PDE1C: variants seen among roughly 807,000 people sequenced by gnomAD.
PDE1C encodes phosphodiesterase 1C.
In PDE1C, 62 loss-of-function variants were observed where a neutral mutation model predicts 93.1. The ratio of observed to expected loss-of-function variants is 0.67; its 90% confidence interval spans 0.54 to 0.82. The LOEUF is 0.82. Among genes scored for constraint, PDE1C ranks in the 40% least tolerant of loss-of-function variants. The pLI, the probability that PDE1C is intolerant of heterozygous loss-of-function variation, is 0.00. For synonymous variants in PDE1C, 325 were observed against 310.1 expected (o/e 1.05, Z -0.50); for missense variants, 742 against 884.6 (o/e 0.84, Z 2.04).
intron 2 of PDE1C, among the ~76,000 whole-genome samples, chr7:32,025,457 T>C (rs759814944): frequency 6.6e-6 from 1 of 152,026 alleles, no homozygotes; most frequent in Non-Finnish European, 1.5e-5. Context: ...CTTGAAGACA[T>C]TGCTAAACAG....
At chr7:31,990,108 C>G (rs1215136430) in intron 2 of PDE1C, among the ~76,000 whole-genome samples, 1 of 152,142 alleles carries the variant, frequency 6.6e-6, no homozygotes, top group Non-Finnish European at 1.5e-5. Flanking sequence ...GGGGAGCAAA[C>G]AGGAAGGCCC....
chr7:31,796,786 T>C (rs907296769), intron 16 of PDE1C, among the ~76,000 whole-genome samples: 1 of 151,750 alleles, frequency 6.6e-6, no homozygotes, highest in Non-Finnish European at 1.5e-5. Flanking sequence ...GTAGCTCTTA[T>C]TGTTGGGTCA....
At chr7:32,377,204 C>T (rs112110125) in intron 1 of PDE1C, among the ~76,000 whole-genome samples, 3,484 of 152,262 alleles carry the variant, frequency 0.023, 51 homozygotes, top group Middle Eastern at 0.041. Context: ...CAGAGGTGGT[C>T]CAATTAGTCC....
At chr7:32,067,510 G>T (rs1221803087) in intron 1 of PDE1C, among the ~76,000 whole-genome samples, 1 of 152,188 alleles carries the variant, frequency 6.6e-6, no homozygotes, top group Non-Finnish European at 1.5e-5. Context: ...AATATACTTG[G>T]CTGTTGATTA....
chr7:31,689,900 AAC>A, the PDE1C span, among the ~76,000 whole-genome samples: 1 of 152,216 alleles, frequency 6.6e-6, no homozygotes, highest in East Asian at 1.9e-4. Context: ...CCCCTTAGCA[AAC>A]AGTCTTGCTG....
chr7:31,747,254 T>C (rs946732145), downstream of PDE1C, among the ~76,000 whole-genome samples: 1 of 152,284 alleles, frequency 6.6e-6, no homozygotes, highest in South Asian at 2.1e-4. Flanking sequence ...AGGACCTCAA[T>C]TGAACCTCCT....
intron 17 of PDE1C, among the ~76,000 whole-genome samples, chr7:31,758,380 G>A (rs922469704): frequency 6.6e-6 from 1 of 152,038 alleles, no homozygotes; most frequent in African/African-American, 2.4e-5. Flanking sequence ...TCCCAAGTAT[G>A]CCTCATAAAA....
chr7:32,177,752 T>C (rs1803109344), intron 2 of PDE1C, among the ~76,000 whole-genome samples: 1 of 152,198 alleles, frequency 6.6e-6, no homozygotes, highest in Non-Finnish European at 1.5e-5. Context: ...AGTGCTTCCC[T>C]GTATGGCCCA....
At chr7:31,967,980 T>C (rs896801677) in intron 2 of PDE1C, among the ~76,000 whole-genome samples, 24 of 152,196 alleles carry the variant, frequency 1.6e-4, no homozygotes, top group Non-Finnish European at 3.5e-4. Context: ...GAGCTGTCTA[T>C]GACAAACCCA....
intron 2 of PDE1C, among the ~76,000 whole-genome samples, chr7:31,922,095 C>T (rs1251378599): frequency 2.0e-5 from 3 of 152,162 alleles, no homozygotes; most frequent in Admixed American, 1.3e-4. Flanking sequence ...ATTATACTAT[C>T]TCTGTAAGCT....
At chr7:31,652,018 C>T in the PDE1C span, 37 of 1,602,968 alleles carry the variant, frequency 2.3e-5, no homozygotes, top group Admixed American at 1.0e-4. Flanking sequence ...GTTAGGAGAC[C>T]GGGCTCAGCA....
chr7:31,766,393 A>AAC (rs1795151259), intron 17 of PDE1C, among the ~76,000 whole-genome samples: 1 of 152,222 alleles, frequency 6.6e-6, no homozygotes, highest in Non-Finnish European at 1.5e-5. Flanking sequence ...CAAAAAAAAA[A>AAC]AAATCTTTAA....
At chr7:31,737,593 G>A in the PDE1C span, among the ~76,000 whole-genome samples, 3 of 152,090 alleles carry the variant, frequency 2.0e-5, no homozygotes, top group Non-Finnish European at 2.9e-5. Flanking sequence ...CCTGAGGTCA[G>A]GAGTTCGAGA....
chr7:32,373,000 A>G (rs1236603933), intron 1 of PDE1C, among the ~76,000 whole-genome samples: 1 of 152,238 alleles, frequency 6.6e-6, no homozygotes, highest in Non-Finnish European at 1.5e-5. Context: ...AAACCCTAAC[A>G]TATTGTTAAT....
the PDE1C span, among the ~76,000 whole-genome samples, chr7:31,730,971 G>A: frequency 6.6e-6 from 1 of 152,058 alleles, no homozygotes; most frequent in Non-Finnish European, 1.5e-5. Context: ...TACTGGATCA[G>A]AAGACACAAG....
chr7:31,986,866 GGA>G (rs1388410644), intron 2 of PDE1C, among the ~76,000 whole-genome samples: 3 of 152,048 alleles, frequency 2.0e-5, no homozygotes, highest in Non-Finnish European at 4.4e-5. Context: ...AAACTAACCA[GGA>G]GAGGGGAAGG....
At chr7:32,341,001 T>C (rs954407319) in intron 1 of PDE1C, among the ~76,000 whole-genome samples, 1 of 151,906 alleles carries the variant, frequency 6.6e-6, no homozygotes, top group African/African-American at 2.4e-5. Flanking sequence ...AACTATGGAC[T>C]TTGGGTGATA....
intron 1 of PDE1C, among the ~76,000 whole-genome samples, chr7:32,263,235 G>T (rs1339807241): frequency 6.6e-6 from 1 of 152,056 alleles, no homozygotes; most frequent in Non-Finnish European, 1.5e-5. Context: ...AACAAAAATG[G>T]TACAAACGAT....
chr7:32,036,187 C>G (rs549483925), intron 2 of PDE1C, among the ~76,000 whole-genome samples: 3 of 152,218 alleles, frequency 2.0e-5, no homozygotes, highest in East Asian at 1.9e-4. Context: ...ACGCAAGAAA[C>G]AAGGATGAAG....
Sources: gnomAD v4.1 joint callset for allele counts (sites outside exome capture counted in the v4.1 genomes callset) on GRCh38, gnomAD v4.1.1 for gene constraint, MANE v1.5 for transcripts, NCBI Gene and HGNC (gene_info 2026-07-23, HGNC 2026-07-21) for gene names.